CENPL: variants seen among roughly 807,000 people sequenced by gnomAD.
CENPL encodes the protein centromere protein L, also known as interphase centromere complex protein 33.
In CENPL, 20 loss-of-function variants were observed where a neutral mutation model predicts 35.2. That is an observed-to-expected ratio of 0.57 (90% CI 0.40 to 0.83). The LOEUF is 0.83. Ranked by LOEUF, CENPL falls within the 40% of genes least tolerant of loss-of-function variation. The pLI is 0.00. For synonymous variants in CENPL, 140 were observed against 140.6 expected (o/e 1.00, Z 0.03); for missense variants, 363 against 395.8 (o/e 0.92, Z 0.70).
intron 2 of CENPL, among the ~76,000 whole-genome samples, chr1:173,817,385 C>T (rs1318274391): frequency 6.6e-6 from 1 of 152,160 alleles, no homozygotes; most frequent in East Asian, 1.9e-4. Flanking sequence ...ATTTATGAAG[C>T]CAACAAACAC....
At chr1:173,811,997 G>C (rs1436879650) in intron 2 of CENPL, among the ~76,000 whole-genome samples, 1 of 152,240 alleles carries the variant, frequency 6.6e-6, no homozygotes, top group East Asian at 1.9e-4. Context: ...CTGGCAACCG[G>C]CAGACTAGGA....
chr1:173,811,041 T>A (rs1222725472), intron 3 of CENPL, 91 bp downstream of exon 3: 1 of 1,150,258 alleles, frequency 8.7e-7, no homozygotes, highest in Non-Finnish European at 1.3e-6. Context: ...GTTAAGAAGA[T>A]ACTAAGAATA....
At chr1:173,807,619 C>T (rs1286962471) in intron 3 of CENPL, 101 bp from the exon 4 acceptor site, 4 of 1,003,932 alleles carry the variant, frequency 4.0e-6, no homozygotes, top group African/African-American at 1.6e-5. Context: ...TTATTGAGTA[C>T]CTGATTTTTG....
chr1:173,809,593 C>CA, intron 3 of CENPL, among the ~76,000 whole-genome samples: 1 of 143,304 alleles, frequency 7.0e-6, no homozygotes, highest in South Asian at 2.5e-4. Flanking sequence ...GAGACACTCT[C>CA]TAAAAAAAAA....
chr1:173,800,523 C>T lies in CENPL; in HGVS notation c.964-4G>A. On this transcript the variant is annotated splice_region_variant and splice_polypyrimidine_tract_variant and intron_variant, in intron 5 of 5. Transcript: ENST00000682279. ...TAAGGTATTTATGACACAGAATCTGCAAAAAGAAAAAGAAGGAGACATTTA... is the reference window on the plus strand; with the variant it reads ...TAAGGTATTTATGACACAGAATCTGTAAAAAGAAAAAGAAGGAGACATTTA... 7.6e-7 allele frequency: 1 copy of T among 1,321,486 alleles called. No individual in the cohort carries two copies. The highest frequency in any genetic ancestry group is 1.1e-6 in the Non-Finnish European group (1 of 936,214). The allele number at this position is 1,321,486 out of a possible 1,614,324, so 81.9% of individuals were successfully genotyped here.
At chr1:173,804,003 T>C (rs1022279062) in intron 4 of CENPL, among the ~76,000 whole-genome samples, 2 of 152,066 alleles carry the variant, frequency 1.3e-5, no homozygotes, top group African/African-American at 2.4e-5. Flanking sequence ...AAACATGATA[T>C]ATGGCAAAAT....
rs1286845930 is a variant in CENPL, at chr1:173,807,255, T to C, written c.420+12A>G. On this transcript the variant is annotated intron_variant, in intron 4 of 5. Transcript: ENST00000682279. ...TTTCCCCTAGGAAGCAAGAACTGTT[T>C]ATGTATTATACCTGGACAAGAAATG... 6.4e-7 allele frequency: 1 copy of C among 1,569,238 alleles called. No homozygotes were observed. The highest frequency in any genetic ancestry group is 1.4e-5 in the African/African-American group (1 of 73,596).
Position 173,824,540 on chromosome 1 carries a change from G to C in CENPL, c.-430C>G, listed in dbSNP as rs117902554. ...ATCGTCAACCTTTCCAATCGTGCTCGGTTGCTCCTCAGTTTTCCTACCGGT... is the reference window on the plus strand; with the variant it reads ...ATCGTCAACCTTTCCAATCGTGCTCCGTTGCTCCTCAGTTTTCCTACCGGT... On this transcript the variant is annotated 5_prime_UTR_variant, in exon 1 of 6. Coordinates refer to ENST00000682279, the MANE Select transcript of CENPL (RefSeq NM_001387287.1). The C allele has an allele frequency of 6.5e-6, 1 of 153,612 alleles. No homozygotes were observed. The highest frequency in any genetic ancestry group is 1.5e-5 in the Non-Finnish European group (1 of 68,796). The allele number at this position is 153,612 out of a possible 1,614,324, so 9.5% of individuals were successfully genotyped here.
At chr1:173,807,200 T>C in intron 4 of CENPL, 67 bp downstream of exon 4, 1 of 1,355,996 alleles carries the variant, frequency 7.4e-7, no homozygotes, top group Non-Finnish European at 9.7e-7. Context: ...TATCTAATTA[T>C]TATAGTTTAG....
chr1:173,800,498 T>C lies in CENPL; in HGVS notation c.985A>G (p.Ile329Val). Residue 329 changes from isoleucine to valine, a missense_variant, in exon 6 of 6, where the codon ATT becomes GTT. Physicochemically the swap from Ile to Val is conservative, Grantham distance 29. Transcript: ENST00000682279. ...TCTGTCAAATATGCTAACACTCCAATAAGGTATTTATGACACAGAATCTGC... is the reference window on the plus strand; with the variant it reads ...TCTGTCAAATATGCTAACACTCCAACAAGGTATTTATGACACAGAATCTGC... ...KIKILCHKYL[I>V]GVLAYLTELA... 6.7e-7 allele frequency: 1 copy of C among 1,482,498 alleles called. No individual in the cohort carries two copies. The highest frequency in any genetic ancestry group is 9.4e-7 in the Non-Finnish European group (1 of 1,063,310). 91.8% of individuals were successfully genotyped at this position (1,482,498 alleles called of 1,614,324 possible). A position where few individuals can be genotyped will look rare whatever the true frequency, so the allele number is the denominator to read the frequency against.
Position 173,807,215 on chromosome 1 carries a change from A to G in CENPL, c.420+52T>C, listed in dbSNP as rs1346230555. 2.8e-6 allele frequency: 4 copies of G among 1,421,622 alleles called. No homozygotes were observed. In the African/African-American group the frequency reaches 5.6e-5, roughly 20 times the overall value. The allele number at this position is 1,421,622 out of a possible 1,614,324, so 88.1% of individuals were successfully genotyped here. On this transcript the variant is annotated intron_variant, in intron 4 of 5. Transcript: ENST00000682279. Reference sequence around the variant, plus strand: ...TATCTAATTATTATAGTTTAGTCAAACAAGACATAATACTTTTCCCCTAGG... The same window carrying G: ...TATCTAATTATTATAGTTTAGTCAAGCAAGACATAATACTTTTCCCCTAGG...
intron 4 of CENPL, 123 bp from the exon 5 acceptor site, chr1:173,803,628 G>T: frequency 5.9e-6 from 5 of 841,928 alleles, no homozygotes; most frequent in Admixed American, 3.0e-5. Context: ...AAAAAACATA[G>T]AGGGAATAGT....
chr1:173,812,731 G>A (rs192029233), intron 2 of CENPL, among the ~76,000 whole-genome samples: 115 of 152,310 alleles, frequency 7.6e-4, no homozygotes, highest in African/African-American at 2.6e-3. Context: ...AACCAGAGCA[G>A]AAAAGCTGAT....
chr1:173,818,646 A>G (rs1207704003), intron 2 of CENPL, among the ~76,000 whole-genome samples: 1 of 152,102 alleles, frequency 6.6e-6, no homozygotes, highest in African/African-American at 2.4e-5. Flanking sequence ...ATGAGCTCTC[A>G]TCTCTAAATA....
At chr1:173,813,499 G>A (rs1651048923) in intron 2 of CENPL, among the ~76,000 whole-genome samples, 1 of 152,206 alleles carries the variant, frequency 6.6e-6, no homozygotes, top group Non-Finnish European at 1.5e-5. Flanking sequence ...CTACAAGCCA[G>A]AAGACAGTGG....
chr1:173,813,956 G>A (rs909805512), intron 2 of CENPL, among the ~76,000 whole-genome samples: 3 of 151,996 alleles, frequency 2.0e-5, no homozygotes, highest in African/African-American at 4.8e-5. Context: ...ACACACATAC[G>A]CTCAAAATAA....
intron 2 of CENPL, among the ~76,000 whole-genome samples, chr1:173,819,669 T>C (rs1488986018): frequency 1.3e-5 from 2 of 152,190 alleles, no homozygotes; most frequent in African/African-American, 2.4e-5. Flanking sequence ...TAAAAAGTTA[T>C]ATTACTATAT....
rs58529781 is a variant in CENPL at position 173,800,532 on chromosome 1, AAAG to A, written c.964-16_964-14del. On this transcript the variant is annotated splice_polypyrimidine_tract_variant and intron_variant, in intron 5 of 5. Coordinates refer to ENST00000682279, the MANE Select transcript of CENPL (RefSeq NM_001387287.1). Reference sequence around the variant, plus strand: ...TATGACACAGAATCTGCAAAAAGAAAAAGAAGGAGACATTTAAAATTAGAATAG... The same window carrying A: ...TATGACACAGAATCTGCAAAAAGAAAAAGGAGACATTTAAAATTAGAATAG... The A allele has an allele frequency of 0.022, 24,604 of 1,140,342 alleles. 3,253 individuals are homozygous for A. The African/African-American group carries it at 0.31, about 14-fold the overall frequency. The allele number at this position is 1,140,342 out of a possible 1,614,324, so 70.6% of individuals were successfully genotyped here.
At position 173,820,417 on chromosome 1, in the gene CENPL, G is replaced by A. The variant is rs187635262; in HGVS notation, c.-8+3509C>T. Among the ~76,000 whole-genome samples the A allele has an allele frequency of 1.4e-4, 22 of 152,092 alleles. No individual in the cohort carries two copies. The East Asian group carries it at 4.1e-3, about 28-fold the overall frequency. On this transcript the variant is annotated intron_variant, in intron 2 of 5. Coordinates refer to ENST00000682279, the MANE Select transcript of CENPL (RefSeq NM_001387287.1). ...GGTAGTCGTAGCCACTCCAGAGGCT[G>A]AGGCAGGAGGAGTGCTTGAGCCCAG...
Sources: gnomAD v4.1 joint callset for allele counts (sites outside exome capture counted in the v4.1 genomes callset) on GRCh38, gnomAD v4.1.1 for gene constraint, MANE v1.5 for transcripts, NCBI Gene and HGNC (gene_info 2026-07-23, HGNC 2026-07-21) for gene names.